Variants in TCF12 observed in about 807,000 individuals in gnomAD.
TCF12 encodes DNA-binding protein HTF4.
In TCF12, 45 loss-of-function variants were observed where a neutral mutation model predicts 86.0. The observed-to-expected ratio is 0.52, with a 90% CI of 0.41 to 0.67. TCF12 has a LOEUF of 0.67. Ranked by LOEUF, TCF12 falls within the 30% of genes least tolerant of loss-of-function variation. TCF12 has a pLI of 0.00. For missense variants in TCF12, 881 were observed against 859.9 expected, an observed-to-expected ratio of 1.02 and a Z score of -0.31; for synonymous variants, 330 against 299.6, an observed-to-expected ratio of 1.10 and a Z score of -1.05.
At chr15:57,033,992 G>A (rs2066355880) in intron 3 of TCF12, among the ~76,000 whole-genome samples, 1 of 152,172 alleles carries the variant, frequency 6.6e-6, no homozygotes, top group African/African-American at 2.4e-5. Flanking sequence ...GTATCCTGGT[G>A]ATGAAATTGA....
chr15:57,146,420 T>G (rs2053367777), intron 5 of TCF12, among the ~76,000 whole-genome samples: 1 of 152,232 alleles, frequency 6.6e-6, no homozygotes, highest in Non-Finnish European at 1.5e-5. Context: ...TAAAAATCAC[T>G]TATATTTAAT....
intron 5 of TCF12, among the ~76,000 whole-genome samples, chr15:57,148,918 T>C (rs752316782): frequency 7.9e-5 from 12 of 152,086 alleles, no homozygotes; most frequent in Non-Finnish European, 2.9e-5. Flanking sequence ...GCATTATAAC[T>C]AACAACAACG....
intron 3 of TCF12, chr15:57,001,364 A>G (rs2064024951): frequency 5.5e-6 from 1 of 181,706 alleles, no homozygotes; most frequent in African/African-American, 2.4e-5. Context: ...ACAGATTTGA[A>G]TACCAGCCTC....
Position 57,166,481 on chromosome 15 carries a change from T to TA in TCF12, c.390+22dup, listed in dbSNP as rs34825412. On this transcript the variant is annotated intron_variant, in intron 6 of 20. Coordinates refer to ENST00000333725, the MANE Select transcript of TCF12 (RefSeq NM_207037.2). ...CAGGCTGTCAAGTAAGTTTAATGAT[T>TA]AAAAAAAGCAATGAGATGGTTTTTA... 1.2e-6 allele frequency: 2 copies of TA among 1,606,968 alleles called. No homozygotes were observed. The highest frequency in any genetic ancestry group is 1.1e-5 in the South Asian group (1 of 89,368).
chr15:56,918,317 G>T (rs534954243), upstream of TCF12: 1 of 453,678 alleles, frequency 2.2e-6, no homozygotes, highest in Non-Finnish European at 4.4e-6. Context: ...TCCGCTTCGG[G>T]GGCCGAGAAC....
chr15:57,203,300 G>C (rs1224042951), intron 8 of TCF12, among the ~76,000 whole-genome samples: 1 of 151,834 alleles, frequency 6.6e-6, no homozygotes, highest in Non-Finnish European at 1.5e-5. Context: ...ACATCTTTAT[G>C]GCCCTCTGAA....
At position 57,243,215 on chromosome 15, in the gene TCF12, T is replaced by C. The variant is rs182342362; in HGVS notation, c.1036-257T>C. Among the ~76,000 whole-genome samples, 11 of 152,344 alleles carry C rather than the reference T, an allele frequency of 7.2e-5. No homozygotes were observed. In the East Asian group the frequency reaches 2.1e-3, roughly 29 times the overall value. On this transcript the variant is annotated intron_variant, in intron 12 of 20. Transcript: ENST00000333725. ...CCTTTTTCTGTTCTAACAGAAACTT[T>C]AAGTTATTTTCACCTAGAATAATAA... is the stretch of plus-strand genomic sequence containing the variant.
At position 57,136,958 on chromosome 15, in the gene TCF12, G is replaced by GTTTTTTTTTTTTTTTTTTTTTTTTT. The variant is rs869113042; in HGVS notation, c.326-29433_326-29432insTTTTTTTTTTTTTTTTTTTTTTTTT. On this transcript the variant is annotated intron_variant, in intron 5 of 20. Transcript: ENST00000333725. ...TAGACAATAGCCACTGCTTCTGGCA[G>GTTTTTTTTTTTTTTTTTTTTTTTTT]TTTTTTTTTTTGTTTTTTTTTTTTT... Among the ~76,000 whole-genome samples, 15 of 83,044 alleles carry GTTTTTTTTTTTTTTTTTTTTTTTTT rather than the reference G, an allele frequency of 1.8e-4. 7 individuals carry two copies. The highest frequency in any genetic ancestry group is 6.3e-4 in the African/African-American group (13 of 20,800). 54.5% of individuals were successfully genotyped at this position (83,044 alleles called of 152,430 possible). A position where few individuals can be genotyped will look rare whatever the true frequency, so the allele number is the denominator to read the frequency against.
At chr15:57,071,987 A>G (rs1232514217) in intron 4 of TCF12, among the ~76,000 whole-genome samples, 2 of 152,246 alleles carry the variant, frequency 1.3e-5, no homozygotes, top group Admixed American at 6.5e-5. Flanking sequence ...GTAGAAAAAA[A>G]TGTTATCTAT....
At chr15:57,121,611 A>G (rs946974598) in intron 5 of TCF12, among the ~76,000 whole-genome samples, 17 of 152,164 alleles carry the variant, frequency 1.1e-4, no homozygotes, top group African/African-American at 4.1e-4. Flanking sequence ...CCATTTGAAG[A>G]TACAGTATTG....
chr15:57,211,528 C>T (rs562852475), intron 8 of TCF12, among the ~76,000 whole-genome samples: 1 of 152,334 alleles, frequency 6.6e-6, no homozygotes, highest in Admixed American at 6.5e-5. Context: ...TATTAGAATA[C>T]AAAGCTTTTG....
At chr15:56,940,806 GGTA>G (rs2060732328) in intron 3 of TCF12, among the ~76,000 whole-genome samples, 1 of 148,396 alleles carries the variant, frequency 6.7e-6, no homozygotes, top group Admixed American at 6.8e-5. Context: ...CCCAGGCTGG[GGTA>G]CAGTGGTATG....
chr15:57,163,054 G>T (rs1486735858), intron 5 of TCF12, among the ~76,000 whole-genome samples: 1 of 151,980 alleles, frequency 6.6e-6, no homozygotes, highest in East Asian at 1.9e-4. Context: ...CGCCCCTGTA[G>T]TCCCAGCTAC....
intron 3 of TCF12, among the ~76,000 whole-genome samples, chr15:57,008,691 T>C (rs544466119): frequency 6.6e-6 from 1 of 152,302 alleles, no homozygotes; most frequent in Non-Finnish European, 1.5e-5. Context: ...AACAAAAGTT[T>C]TCATCTCTAC....
At chr15:57,058,876 A>G (rs116630953) in intron 3 of TCF12, among the ~76,000 whole-genome samples, 1,765 of 152,292 alleles carry the variant, frequency 0.012, 30 homozygotes, top group African/African-American at 0.04. Context: ...AATACAATAA[A>G]AAATCTTGGT....
At chr15:56,931,948 T>TA (rs2060265118) in intron 3 of TCF12, among the ~76,000 whole-genome samples, 1 of 152,172 alleles carries the variant, frequency 6.6e-6, no homozygotes, top group Non-Finnish European at 1.5e-5. Context: ...TAAATCCACT[T>TA]AAAGTTTGTA....
chr15:57,010,812 C>CT (rs1310366886), intron 3 of TCF12, among the ~76,000 whole-genome samples: 16 of 152,104 alleles, frequency 1.1e-4, no homozygotes, highest in African/African-American at 3.9e-4. Context: ...AAAAACCATT[C>CT]TTTCAGGAGG....
In TCF12 at chr15:57,063,764, G is replaced by A; in HGVS notation, c.163G>A (p.Gly55Arg). ...TCTCTTTTTAGGTATTGATGAAAGA[G>A]GAGGTACAACATCTTGGGGAACAAG... ...QFSGSGIDER[G>R]GTTSWGTSGQ... Residue 55 changes from glycine to arginine, a missense_variant, in exon 4 of 21, where the codon GGA becomes AGA. Physicochemically the swap from Gly to Arg is moderately radical, Grantham distance 125. Coordinates refer to ENST00000333725, the MANE Select transcript of TCF12 (RefSeq NM_207037.2). The A allele has an allele frequency of 6.2e-7, 1 of 1,603,806 alleles. No individual in the cohort carries two copies. The highest frequency in any genetic ancestry group is 8.5e-7 in the Non-Finnish European group (1 of 1,172,320).
At chr15:57,142,474 A>G (rs951634785) in intron 5 of TCF12, among the ~76,000 whole-genome samples, 27 of 23,008 alleles carry the variant, frequency 1.2e-3, no homozygotes, top group African/African-American at 1.8e-3. Flanking sequence ...GCCAAAAGCC[A>G]GGCTAAAGGG....
Sources: allele counts gnomAD v4.1 joint callset (sites outside exome capture counted in the v4.1 genomes callset), GRCh38; gene constraint gnomAD v4.1.1; transcripts MANE v1.5; gene names NCBI Gene and HGNC (gene_info 2026-07-23, HGNC 2026-07-21).